Variants in C13orf42 observed in about 807,000 individuals in gnomAD.
C13orf42 encodes the protein chromosome 13 open reading frame 42.
upstream of C13orf42, among the ~76,000 whole-genome samples, chr13:51,115,680 C>A (rs535360208): frequency 6.6e-6 from 1 of 151,696 alleles, no homozygotes; most frequent in South Asian, 2.1e-4. Context: ...TGATGGGGAA[C>A]GAAGGAAGAG....
chr13:51,088,518 T>C (rs570524335), intron 1 of C13orf42, among the ~76,000 whole-genome samples: 10 of 152,268 alleles, frequency 6.6e-5, no homozygotes, highest in African/African-American at 2.4e-4. Context: ...AATAACTCAA[T>C]TGTACATTTT....
intron 1 of C13orf42, among the ~76,000 whole-genome samples, chr13:51,168,049 C>T (rs1953915835): frequency 6.6e-6 from 1 of 152,230 alleles, no homozygotes; most frequent in African/African-American, 2.4e-5. Context: ...ACAACACAGC[C>T]TTCCTGATAG....
chr13:51,172,128 C>T (rs1323191798), intron 1 of C13orf42: 2 of 152,192 alleles, frequency 1.3e-5, no homozygotes, highest in Non-Finnish European at 2.9e-5. Context: ...CCTCCTCCCA[C>T]AGGAGCTTGC....
intron 2 of C13orf42, 123 bp from the exon 3 acceptor site, chr13:51,085,682 A>C (rs994458113): frequency 7.6e-6 from 3 of 396,628 alleles, no homozygotes; most frequent in African/African-American, 6.2e-5. Context: ...CCATGTTCCT[A>C]ATAGCCAAGC....
At chr13:51,111,275 G>T, upstream of C13orf42, 1 of 398,052 alleles carries the variant, frequency 2.5e-6, no homozygotes, top group Non-Finnish European at 4.4e-6. Flanking sequence ...ATCTAGATGC[G>T]GGGAGAGAAG....
intron 1 of C13orf42, among the ~76,000 whole-genome samples, chr13:51,090,761 A>G (rs1437564008): frequency 6.6e-6 from 1 of 152,224 alleles, no homozygotes; most frequent in Non-Finnish European, 1.5e-5. Flanking sequence ...TTGGTGTCTT[A>G]GCTATTAAAG....
chr13:51,093,350 C>T (rs910210429), intron 1 of C13orf42, among the ~76,000 whole-genome samples: 4 of 152,140 alleles, frequency 2.6e-5, no homozygotes, highest in African/African-American at 7.2e-5. Flanking sequence ...CAGGGCTGTC[C>T]AGTAGGACTT....
chr13:51,089,325 G>A (rs1291087933), intron 1 of C13orf42, among the ~76,000 whole-genome samples: 2 of 152,062 alleles, frequency 1.3e-5, no homozygotes, highest in African/African-American at 2.4e-5. Context: ...GATGTTGAAG[G>A]ACCACAATAT....
At chr13:51,158,956 T>C (rs529571301) in intron 1 of C13orf42, among the ~76,000 whole-genome samples, 6 of 152,346 alleles carry the variant, frequency 3.9e-5, no homozygotes, top group Admixed American at 1.3e-4. Flanking sequence ...TTCTTCTGCA[T>C]AGGGATTGGG....
intron 1 of C13orf42, among the ~76,000 whole-genome samples, chr13:51,120,693 T>C (rs781225798): frequency 7.9e-5 from 12 of 152,156 alleles, no homozygotes; most frequent in Non-Finnish European, 1.5e-4. Flanking sequence ...CTGTGTGATT[T>C]TGGGAAAGCC....
chr13:51,127,276 A>T (rs1953584574), intron 1 of C13orf42, among the ~76,000 whole-genome samples: 1 of 152,250 alleles, frequency 6.6e-6, no homozygotes, highest in Non-Finnish European at 1.5e-5. Flanking sequence ...AATAACAACC[A>T]GCCTCAGTCT....
rs558843332 is a variant in C13orf42, at chr13:51,111,221, T to C, written c.-12A>G. ...ATCTTTCTGAACATAGTGCTCGATTTCTTTCTGTGGGTACCTTCCAGCTGC... is the reference window on the plus strand; with the variant it reads ...ATCTTTCTGAACATAGTGCTCGATTCCTTTCTGTGGGTACCTTCCAGCTGC... On this transcript the variant is annotated 5_prime_UTR_variant, in exon 1 of 4. Transcript: ENST00000563710. The C allele has an allele frequency of 1.2e-4, 46 of 398,622 alleles. No homozygotes were observed. Among genetic ancestry groups the C allele is most frequent in the African/African-American group, 8.8e-4 (43 of 48,738 alleles). 24.7% of individuals were successfully genotyped at this position (398,622 alleles called of 1,614,324 possible).
chr13:51,131,721 T>C (rs1402666201), intron 1 of C13orf42, among the ~76,000 whole-genome samples: 2 of 152,248 alleles, frequency 1.3e-5, no homozygotes, highest in African/African-American at 4.8e-5. Flanking sequence ...CTGCACTTTA[T>C]ACAAATAATC....
intron 1 of C13orf42, among the ~76,000 whole-genome samples, chr13:51,155,354 T>C (rs1283945997): frequency 1.3e-5 from 2 of 152,238 alleles, no homozygotes; most frequent in Non-Finnish European, 2.9e-5. Flanking sequence ...GGGAAGCAGC[T>C]GTGTTTGAGA....
intron 1 of C13orf42, among the ~76,000 whole-genome samples, chr13:51,151,684 C>A (rs899912972): frequency 6.6e-6 from 1 of 152,212 alleles, no homozygotes; most frequent in Non-Finnish European, 1.5e-5. Flanking sequence ...GCAGGTAAAG[C>A]AACATGCTAT....
intron 1 of C13orf42, among the ~76,000 whole-genome samples, chr13:51,157,200 G>A (rs151275801): frequency 1.0e-3 from 159 of 152,252 alleles, no homozygotes; most frequent in Non-Finnish European, 1.7e-3. Context: ...TTGGGAGGCC[G>A]AGGCGGACGG....
chr13:51,126,112 T>G (rs1446143418), intron 1 of C13orf42, among the ~76,000 whole-genome samples: 4 of 152,250 alleles, frequency 2.6e-5, no homozygotes, highest in Non-Finnish European at 5.9e-5. Context: ...TGGATGTATA[T>G]TCACATCTTA....
At chr13:51,085,180 A>G (rs558397950) in intron 3 of C13orf42, 139 bp downstream of exon 3, 109 of 160,754 alleles carry the variant, frequency 6.8e-4, no homozygotes, top group Non-Finnish European at 9.7e-4. Flanking sequence ...CACCAGCAAC[A>G]ACAAATATAT....
intron 1 of C13orf42, among the ~76,000 whole-genome samples, chr13:51,159,693 C>T (rs1050685862): frequency 3.9e-5 from 6 of 152,118 alleles, no homozygotes; most frequent in African/African-American, 1.4e-4. Flanking sequence ...GTCTCACTCG[C>T]CATAAAGCTC....
Sources: gnomAD v4.1 joint callset for allele counts (sites outside exome capture counted in the v4.1 genomes callset) on GRCh38, gnomAD v4.1.1 for gene constraint, MANE v1.5 for transcripts, NCBI Gene and HGNC (gene_info 2026-07-23, HGNC 2026-07-21) for gene names.